XRCC3: variants seen among roughly 807,000 people sequenced by gnomAD.
The protein encoded by XRCC3 is X-ray repair cross complementing 3.
A neutral mutation model predicts 29.2 loss-of-function variants in XRCC3; 34 were observed. That is an observed-to-expected ratio of 1.16 (90% CI 0.88 to 1.55). The LOEUF (loss-of-function observed/expected upper bound fraction) is 1.55, where lower values mean the gene tolerates loss of function less well. Ranked by LOEUF, XRCC3 falls within the 40% of genes most tolerant of loss-of-function variation. The probability of loss-of-function intolerance (pLI) is 0.00; values close to 1 mark genes in which losing one functional copy is unlikely to be tolerated. For synonymous variants in XRCC3, 223 were observed against 211.3 expected (o/e 1.06, Z -0.48); for missense variants, 463 against 467.6 (o/e 0.99, Z 0.09).
At chr14:103,706,301 G>A (rs2083433961) in intron 6 of XRCC3, 1 of 455,866 alleles carries the variant, frequency 2.2e-6, no homozygotes, top group South Asian at 1.5e-5. Flanking sequence ...TCCAGGGCCT[G>A]GGGTCCGGCC....
rs372513712 is a variant in XRCC3 at position 103,698,775 on chromosome 14, G to T, written c.*23C>A. ...CGTGTGTCGGGGCTTCTCAGGCAGG[G>T]CTGTTGTGCAGCCGCCACCGTGTCA... On this transcript the variant is annotated 3_prime_UTR_variant, in exon 10 of 10. Transcript: ENST00000555055. 5.1e-6 allele frequency: 8 copies of T among 1,570,854 alleles called. No individual in the cohort carries two copies. The highest frequency in any genetic ancestry group is 6.9e-6 in the Non-Finnish European group (8 of 1,158,654).
chr14:103,711,906 G>A, intron 2 of XRCC3: 1 of 353,602 alleles, frequency 2.8e-6, no homozygotes, highest in South Asian at 2.1e-5. Flanking sequence ...TGGGGAAACT[G>A]GAAGGCAGCA....
chr14:103,712,701 G>A (rs1461704344), intron 2 of XRCC3, 174 bp downstream of exon 2: 1 of 152,616 alleles, frequency 6.6e-6, no homozygotes. Context: ...GCTGTCGGGA[G>A]GCTGCTGTCC....
At position 103,708,518 on chromosome 14, in the gene XRCC3, C is replaced by T; in HGVS notation, c.193+4G>A. Reference sequence around the variant, plus strand: ...CCCTGGCAGAGATGCCAGGGCCCACCTACCTGTAAGGATGCTGCTTCCCCG... The same window carrying T: ...CCCTGGCAGAGATGCCAGGGCCCACTTACCTGTAAGGATGCTGCTTCCCCG... On this transcript the variant is annotated splice_donor_region_variant and intron_variant, in intron 5 of 9. Coordinates refer to ENST00000555055, the MANE Select transcript of XRCC3 (RefSeq NM_005432.4). 6.2e-7 allele frequency: 1 copy of T among 1,613,916 alleles called. No individual in the cohort carries two copies. The highest frequency in any genetic ancestry group is 8.5e-7 in the Non-Finnish European group (1 of 1,180,008).
chr14:103,711,614 G>C (rs1301904553), intron 2 of XRCC3, 47 bp from the exon 3 acceptor site: 2 of 456,396 alleles, frequency 4.4e-6, no homozygotes, highest in Non-Finnish European at 8.8e-6. Flanking sequence ...GGTGCTCAGG[G>C]ATCCAAACAT....
At chr14:103,701,341 C>T (rs2083183634) in intron 7 of XRCC3, 1 of 877,260 alleles carries the variant, frequency 1.1e-6, no homozygotes. Context: ...GTGCATAGGA[C>T]ATGATACTAA....
intron 4 of XRCC3, chr14:103,709,787 T>A (rs1173083723): frequency 6.6e-6 from 1 of 152,232 alleles, no homozygotes; most frequent in African/African-American, 2.4e-5. Context: ...GGTTTTTGGA[T>A]AAGAGACACA....
At chr14:103,706,291 T>C in intron 6 of XRCC3, 1 of 455,770 alleles carries the variant, frequency 2.2e-6, no homozygotes, top group Non-Finnish European at 4.4e-6. Flanking sequence ...GGCCTGTGGG[T>C]CCAGGGCCTG....
rs770137120 is a variant in XRCC3 at position 103,698,863 on chromosome 14, A to AG, written c.975dup (p.Ser326LeufsTer33). The AG allele has an allele frequency of 1.9e-6, 3 of 1,606,994 alleles. No homozygotes were observed. Among genetic ancestry groups the AG allele is most frequent in the African/African-American group, 1.3e-5 (1 of 74,824 alleles). On this transcript the variant is annotated frameshift_variant, in exon 10 of 10. Transcript: ENST00000555055. LOFTEE classifies it low-confidence loss of function (END_TRUNC). The stretch of plus-strand genomic sequence containing the variant: ...GCACTGATCGTGTAGGAACAGGAGG[A>AG]GGGGGGCAGGTGGGGGGCAGAGAGC...
Position 103,702,734 on chromosome 14 carries a change from T to C in XRCC3, c.561+439A>G, listed in dbSNP as rs1357447326. 88 of 198,846 alleles carry C rather than the reference T, an allele frequency of 4.4e-4. 1 individual carries two copies. The Admixed American group carries it at 4.6e-3, about 10-fold the overall frequency. 12.3% of individuals were successfully genotyped at this position (198,846 alleles called of 1,614,324 possible). A position where few individuals can be genotyped will look rare whatever the true frequency, so the allele number is the denominator to read the frequency against. ...ACAGCCACTCCTGGCCAGGATTCTGTTTGGCCAAACTGCCGTCAGGCTCCT... is the reference window on the plus strand; with the variant it reads ...ACAGCCACTCCTGGCCAGGATTCTGCTTGGCCAAACTGCCGTCAGGCTCCT... On this transcript the variant is annotated intron_variant, in intron 7 of 9. Transcript: ENST00000555055.
intron 5 of XRCC3, chr14:103,708,311 G>A (rs890246000): frequency 8.7e-6 from 6 of 688,864 alleles, no homozygotes; most frequent in African/African-American, 7.8e-5. Context: ...CCCACAGCCC[G>A]TGTCCACCTC....
At position 103,707,148 on chromosome 14, in the gene XRCC3, C is replaced by T. The variant is rs374354789; in HGVS notation, c.261G>A (p.Pro87=). 196 of 1,549,588 alleles carry T rather than the reference C, an allele frequency of 1.3e-4. No individual in the cohort carries two copies. The African/African-American group carries it at 2.2e-3, about 17-fold the overall frequency. The part of the protein sequence containing the change: ...TQHQRLSLGC[P]VLDALLRGGL... ...CACCGCGGAGCAGCGCGTCCAGCAC[C>T]GGGCAGCCCAGGCTCAGGCGCTGGT... The change falls in exon 6 of 10, where the codon CCG becomes CCA. Residue 87 remains proline, a synonymous_variant. Transcript: ENST00000555055.
intron 7 of XRCC3, chr14:103,699,891 T>A (rs756335747): frequency 3.1e-5 from 13 of 417,804 alleles, no homozygotes; most frequent in African/African-American, 4.1e-5. Context: ...GGCTCCTGAG[T>A]CCTTGCGGGG....
Position 103,711,111 on chromosome 14 carries a change from G to A in XRCC3, c.-24C>T. On this transcript the variant is annotated 5_prime_UTR_variant, in exon 4 of 10. Coordinates refer to ENST00000555055, the MANE Select transcript of XRCC3 (RefSeq NM_005432.4). ...ATTTTGTCGGTGGGCTGGCCACCAGGATGAATAACTTCCCAGGAAAGACAG... is the reference window on the plus strand; with the variant it reads ...ATTTTGTCGGTGGGCTGGCCACCAGAATGAATAACTTCCCAGGAAAGACAG... 6.2e-7 allele frequency: 1 copy of A among 1,613,412 alleles called. No individual in the cohort carries two copies. Among genetic ancestry groups the A allele is most frequent in the Non-Finnish European group, 8.5e-7 (1 of 1,179,384 alleles).
chr14:103,707,100 A>AGT lies in XRCC3; in HGVS notation c.307_308dup (p.Glu104LeufsTer92), dbSNP rs2083462808. On this transcript the variant is annotated frameshift_variant, in exon 6 of 10. Transcript: ENST00000555055. LOFTEE classifies it high-confidence loss of function. ...CTGCCGAGCTGCGTCCGGCCAGCTC[A>AGT]GTGATGCCGTCCAGGGGCAGGCCAC... 2 of 1,553,324 alleles carry AGT rather than the reference A, an allele frequency of 1.3e-6. No individual in the cohort carries two copies. The highest frequency in any genetic ancestry group is 1.7e-6 in the Non-Finnish European group (2 of 1,149,166).
chr14:103,711,013 G>A lies in XRCC3; in HGVS notation c.55+20C>T. The stretch of plus-strand genomic sequence containing the variant: ...GCACACACCCACCCACACCCTTTAT[G>A]TAAATAGAAATAAATGTACCTTTCT... On this transcript the variant is annotated intron_variant, in intron 4 of 9. Transcript: ENST00000555055. The A allele has an allele frequency of 6.2e-7, 1 of 1,613,550 alleles. No homozygotes were observed. Among genetic ancestry groups the A allele is most frequent in the Non-Finnish European group, 8.5e-7 (1 of 1,179,550 alleles).
intron 6 of XRCC3, chr14:103,706,077 C>T (rs769260099): frequency 3.0e-6 from 1 of 333,786 alleles, no homozygotes; most frequent in East Asian, 8.1e-5. Flanking sequence ...CGTGAGCAGA[C>T]CCCAGCTGGG....
chr14:103,711,146 T>A lies in XRCC3; in HGVS notation c.-59A>T. 6.3e-7 allele frequency: 1 copy of A among 1,594,118 alleles called. No individual in the cohort carries two copies. The highest frequency in any genetic ancestry group is 8.6e-7 in the Non-Finnish European group (1 of 1,162,122). ...TTCCCAGGAAAGACAGAACAATGGA[T>A]GCAAATTCTGAGGCACTCGCCTTCA... On this transcript the variant is annotated 5_prime_UTR_variant, in exon 4 of 10. Coordinates refer to ENST00000555055, the MANE Select transcript of XRCC3 (RefSeq NM_005432.4).
intron 8 of XRCC3, 70 bp from the exon 9 acceptor site, chr14:103,699,249 C>G (rs2082882787): frequency 2.6e-6 from 4 of 1,539,624 alleles, no homozygotes; most frequent in Non-Finnish European, 3.5e-6. Context: ...CAGGCTGCTA[C>G]CCGCAGGAGC....
Sources: gnomAD v4.1 joint callset for allele counts on GRCh38, gnomAD v4.1.1 for gene constraint, MANE v1.5 for transcripts, NCBI Gene and HGNC (gene_info 2026-07-23, HGNC 2026-07-21) for gene names.